Variants in MAML3 observed in about 807,000 individuals in gnomAD.
MAML3 encodes the protein mastermind like transcriptional coactivator 3.
In MAML3, 27 loss-of-function variants were observed where a neutral mutation model predicts 101.9. That is an observed-to-expected ratio of 0.27 (90% CI 0.20 to 0.37). The LOEUF is 0.37. Ranked by LOEUF, MAML3 falls within the 10% of genes least tolerant of loss-of-function variation. The pLI, the probability that MAML3 is intolerant of heterozygous loss-of-function variation, is 1.00. For synonymous variants in MAML3, 501 were observed against 555.9 expected (o/e 0.90, Z 1.39); for missense variants, 1,316 against 1,444.9 (o/e 0.91, Z 1.45).
At chr4:139,792,384 G>C (rs1364695397) in intron 2 of MAML3, among the ~76,000 whole-genome samples, 1 of 152,090 alleles carries the variant, frequency 6.6e-6, no homozygotes, top group Non-Finnish European at 1.5e-5. Flanking sequence ...TATCAACTTA[G>C]TTTAAAAATA....
intron 1 of MAML3, among the ~76,000 whole-genome samples, chr4:139,929,639 T>C (rs1733339951): frequency 6.6e-6 from 1 of 152,224 alleles, no homozygotes; most frequent in Non-Finnish European, 1.5e-5. Context: ...ACATAACGTA[T>C]GGGCAGAGGC....
chr4:140,086,705 G>A (rs1176320536), intron 1 of MAML3, among the ~76,000 whole-genome samples: 2 of 152,060 alleles, frequency 1.3e-5, no homozygotes, highest in African/African-American at 2.4e-5. Context: ...GGTGGGGTGG[G>A]GTGAACGAGA....
In MAML3 at chr4:139,746,129, G is replaced by A. The variant is rs1379664826; in HGVS notation, c.2080-15462C>T. ...TTTCCTAAGCATAAGCTCTCAGTTG[G>A]ATTTTTTATTAAAAAGTCAGAAAAT... On this transcript the variant is annotated intron_variant, in intron 2 of 4. Coordinates refer to ENST00000509479, the MANE Select transcript of MAML3 (RefSeq NM_018717.5). 7.9e-5 allele frequency among the ~76,000 whole-genome samples: 12 copies of A among 152,158 alleles called. No individual in the cohort carries two copies. In the East Asian group the frequency reaches 2.1e-3, roughly 27 times the overall value.
At chr4:140,056,839 T>C (rs1326915184) in intron 1 of MAML3, among the ~76,000 whole-genome samples, 1 of 151,634 alleles carries the variant, frequency 6.6e-6, no homozygotes, top group Non-Finnish European at 1.5e-5. Flanking sequence ...TATCCCACTC[T>C]AAGTCTTCTG....
chr4:139,749,701 G>A (rs758974354), intron 2 of MAML3, among the ~76,000 whole-genome samples: 2 of 152,154 alleles, frequency 1.3e-5, no homozygotes, highest in Non-Finnish European at 2.9e-5. Flanking sequence ...TCACAGACCC[G>A]CGGTGGCAGT....
At chr4:140,097,330 C>A (rs1728180588) in intron 1 of MAML3, among the ~76,000 whole-genome samples, 1 of 152,194 alleles carries the variant, frequency 6.6e-6, no homozygotes, top group South Asian at 2.1e-4. Flanking sequence ...TCCTCTCTCC[C>A]TCCACCTTTC....
intron 2 of MAML3, among the ~76,000 whole-genome samples, chr4:139,802,302 G>A (rs1022670328): frequency 7.2e-5 from 11 of 152,200 alleles, no homozygotes; most frequent in South Asian, 2.1e-4. Context: ...ACCTCTCCCC[G>A]CAGTGTCTGG....
At chr4:139,786,918 C>T (rs1224422141) in intron 2 of MAML3, among the ~76,000 whole-genome samples, 5 of 152,176 alleles carry the variant, frequency 3.3e-5, no homozygotes, top group Admixed American at 6.5e-5. Flanking sequence ...TTATTCCACC[C>T]GGGGACATCC....
At chr4:139,856,161 G>A (rs1731658520) in intron 2 of MAML3, among the ~76,000 whole-genome samples, 1 of 152,186 alleles carries the variant, frequency 6.6e-6, no homozygotes, top group Admixed American at 6.5e-5. Context: ...ACAATGCAAG[G>A]CACTTGGTAG....
At position 139,790,216 on chromosome 4, in the gene MAML3, CATATATAT is replaced by C. The variant is rs367675413; in HGVS notation, c.2080-59557_2080-59550del. On this transcript the variant is annotated intron_variant, in intron 2 of 4. Transcript: ENST00000509479. ...AGATGTGTCAACTCCACCCTAGTGA[CATATATAT>C]ATATATATATATATATATAAATAAA... is the stretch of plus-strand genomic sequence containing the variant. Among the ~76,000 whole-genome samples the C allele has an allele frequency of 8.3e-4, 91 of 110,230 alleles. 5 individuals are homozygous for C. Among genetic ancestry groups the C allele is most frequent in the African/African-American group, 2.7e-3 (74 of 27,026 alleles). The allele number at this position is 110,230 out of a possible 152,430, so 72.3% of individuals were successfully genotyped here. A position where few individuals can be genotyped will look rare whatever the true frequency, so the allele number is the denominator to read the frequency against.
chr4:139,999,416 A>C (rs983607322), intron 1 of MAML3, among the ~76,000 whole-genome samples: 1 of 152,224 alleles, frequency 6.6e-6, no homozygotes, highest in Non-Finnish European at 1.5e-5. Context: ...CTAGGCAACA[A>C]TTCCACAGAT....
intron 1 of MAML3, among the ~76,000 whole-genome samples, chr4:140,115,820 G>T (rs534902080): frequency 1.3e-5 from 2 of 152,044 alleles, no homozygotes; most frequent in Non-Finnish European, 2.9e-5. Flanking sequence ...TTTTTATAAT[G>T]TAAAAATCAT....
chr4:140,130,320 T>C (rs1166418273), intron 1 of MAML3, among the ~76,000 whole-genome samples: 1 of 152,232 alleles, frequency 6.6e-6, no homozygotes, highest in East Asian at 1.9e-4. Context: ...TCGTGAGTCC[T>C]ATAGGTTGGC....
intron 1 of MAML3, among the ~76,000 whole-genome samples, chr4:140,143,597 C>A (rs1019972440): frequency 5.9e-5 from 9 of 152,120 alleles, no homozygotes; most frequent in Non-Finnish European, 8.8e-5. Flanking sequence ...CCCGTCTCTA[C>A]TAAAAATACA....
intron 1 of MAML3, among the ~76,000 whole-genome samples, chr4:140,046,321 T>C (rs898475559): frequency 6.6e-5 from 10 of 152,152 alleles, no homozygotes; most frequent in African/African-American, 2.4e-4. Flanking sequence ...TGAGTAACAA[T>C]GATAAGCAGA....
chr4:139,859,986 G>GAC (rs1560816487), intron 2 of MAML3, among the ~76,000 whole-genome samples: 1 of 151,884 alleles, frequency 6.6e-6, no homozygotes, highest in African/African-American at 2.4e-5. Context: ...GTCGCGGGAG[G>GAC]GGCTAGAGGA....
intron 1 of MAML3, among the ~76,000 whole-genome samples, chr4:140,088,332 ATCCCCTTCTT>A (rs1322148244): frequency 2.6e-5 from 4 of 152,144 alleles, no homozygotes; most frequent in African/African-American, 7.2e-5. Context: ...TCTCTCCCCT[ATCCCCTTCTT>A]TCAGACAAAC....
chr4:139,901,400 TAC>T (rs1243835346), intron 1 of MAML3, among the ~76,000 whole-genome samples: 1 of 152,188 alleles, frequency 6.6e-6, no homozygotes, highest in Non-Finnish European at 1.5e-5. Flanking sequence ...TATACATAAA[TAC>T]ACACACATAT....
intron 2 of MAML3, among the ~76,000 whole-genome samples, chr4:139,774,614 T>C (rs755858781): frequency 1.2e-4 from 18 of 152,174 alleles, no homozygotes; most frequent in Non-Finnish European, 2.5e-4. Context: ...TGTCGCTCCA[T>C]TAATGATCAA....
Sources: allele counts gnomAD v4.1 joint callset (sites outside exome capture counted in the v4.1 genomes callset), GRCh38; gene constraint gnomAD v4.1.1; transcripts MANE v1.5; gene names NCBI Gene and HGNC (gene_info 2026-07-23, HGNC 2026-07-21).